ADCY3: variants seen among roughly 807,000 people sequenced by gnomAD.
ADCY3 encodes the protein adenylate cyclase type 3.
In ADCY3, 70 loss-of-function variants were observed where a neutral mutation model predicts 119.4. That is an observed-to-expected ratio of 0.59 (90% confidence interval 0.48 to 0.72). The LOEUF (loss-of-function observed/expected upper bound fraction) is 0.72, where lower values mean the gene tolerates loss of function less well. Ranked by LOEUF, ADCY3 falls within the 30% of genes least tolerant of loss-of-function variation. ADCY3 has a pLI of 0.00. For missense variants in ADCY3, 1,238 were observed against 1,541.6 expected, an observed-to-expected ratio of 0.80 and a Z score of 3.30; for synonymous variants, 672 against 621.4, an observed-to-expected ratio of 1.08 and a Z score of -1.21.
chr2:24,898,120 T>G lies in ADCY3; in HGVS notation c.675+20193A>C, dbSNP rs946538166. Among the ~76,000 whole-genome samples the G allele has an allele frequency of 6.6e-6, 1 of 152,130 alleles. No homozygotes were observed. The highest frequency in any genetic ancestry group is 1.5e-5 in the Non-Finnish European group (1 of 68,010). On this transcript the variant is annotated intron_variant, in intron 2 of 21. Transcript: ENST00000679454. The surrounding 1 kb of genome is among the most constrained non-coding windows in gnomAD (Gnocchi z 4.3). ...GTCAGAGGTTCTCCACTACCCCGTC[T>G]ATGTTCACCCCCAGACCTTTGTTCA...
intron 18 of ADCY3, among the ~76,000 whole-genome samples, 168 bp downstream of exon 18, chr2:24,823,041 C>T (rs1222703202): frequency 1.3e-5 from 2 of 152,172 alleles, no homozygotes; most frequent in Non-Finnish European, 2.9e-5. Flanking sequence ...ACCTCACCTC[C>T]CCTTCCCCAG....
chr2:24,873,274 C>A (rs1675255653), intron 2 of ADCY3, among the ~76,000 whole-genome samples: 2 of 152,188 alleles, frequency 1.3e-5, no homozygotes, highest in Admixed American at 1.3e-4. Context: ...ACAATGTTTA[C>A]CTTACACATG....
At chr2:24,845,868 TG>T (rs1671596295) in intron 3 of ADCY3, among the ~76,000 whole-genome samples, 1 of 152,200 alleles carries the variant, frequency 6.6e-6, no homozygotes, top group South Asian at 2.1e-4. Context: ...CCTAGGGACT[TG>T]GTGCCCTGTG....
chr2:24,884,108 AT>A (rs562797497), intron 2 of ADCY3, among the ~76,000 whole-genome samples: 47 of 147,476 alleles, frequency 3.2e-4, no homozygotes, highest in African/African-American at 8.2e-4. Flanking sequence ...GACATTCAGC[AT>A]TTTTTTTTTC....
chr2:24,823,186 T>C (rs1384904475), intron 18 of ADCY3, 23 bp downstream of exon 18: 32 of 1,606,704 alleles, frequency 2.0e-5, no homozygotes, highest in Non-Finnish European at 2.7e-5. Context: ...ATGGCCAGAG[T>C]GCAGGGTGGG....
intron 12 of ADCY3, among the ~76,000 whole-genome samples, chr2:24,831,245 C>T (rs1464778756): frequency 7.8e-6 from 1 of 128,398 alleles, no homozygotes; most frequent in Non-Finnish European, 1.7e-5. Context: ...AAAAAAAAAA[C>T]TCTGCTTGGT....
intron 2 of ADCY3, among the ~76,000 whole-genome samples, chr2:24,891,162 C>T (rs1409750477): frequency 2.6e-5 from 4 of 152,238 alleles, no homozygotes; most frequent in African/African-American, 9.6e-5. Flanking sequence ...AGCCACTGCG[C>T]CCGGCCTAGA....
At chr2:24,833,084 C>T (rs1669813614) in intron 11 of ADCY3, among the ~76,000 whole-genome samples, 1 of 152,246 alleles carries the variant, frequency 6.6e-6, no homozygotes, top group Non-Finnish European at 1.5e-5. Flanking sequence ...ACCACAGTGG[C>T]TTGTCTGGGC....
intron 2 of ADCY3, among the ~76,000 whole-genome samples, chr2:24,900,045 C>G (rs1283547007): frequency 6.6e-6 from 1 of 151,640 alleles, no homozygotes; most frequent in African/African-American, 2.4e-5. Flanking sequence ...TAGTATTTTC[C>G]AGGCTTTCCA....
chr2:24,914,340 T>C (rs1664169838), intron 2 of ADCY3, among the ~76,000 whole-genome samples: 1 of 152,180 alleles, frequency 6.6e-6, no homozygotes, highest in Non-Finnish European at 1.5e-5. Flanking sequence ...ACCAAAGTGA[T>C]GGGTGACAGT....
Position 24,820,790 on chromosome 2 carries a change from G to A in ADCY3, c.3186C>T (p.Asp1062=). Residue 1062 remains aspartate (D), a synonymous_variant, in exon 21 of 22, where the codon GAC becomes GAT. Coordinates refer to ENST00000679454, the MANE Select transcript of ADCY3 (RefSeq NM_004036.5). ...GVIGARKPHY[D]IWGNTVNVAS... ...CTACATTGACTGTATTGCCCCAGAT[G>A]TCGTAGTGTGGTTTCCGGGCTCCGA... 2 of 1,614,126 alleles carry A rather than the reference G, an allele frequency of 1.2e-6. No individual in the cohort carries two copies. Among genetic ancestry groups the A allele is most frequent in the Non-Finnish European group, 1.7e-6 (2 of 1,180,006 alleles).
chr2:24,823,070 C>T, intron 18 of ADCY3, 139 bp downstream of exon 18: 2 of 1,123,516 alleles, frequency 1.8e-6, no homozygotes, highest in South Asian at 1.7e-5. Context: ...TTCCAGGTGG[C>T]TGCAGAAGTC....
In ADCY3 at chr2:24,919,222, T is replaced by C. The variant is rs971930258; in HGVS notation, c.-197-38A>G. 7 of 540,132 alleles carry C rather than the reference T, an allele frequency of 1.3e-5. No individual in the cohort carries two copies. Among genetic ancestry groups the C allele is most frequent in the South Asian group, 1.1e-4 (5 of 45,574 alleles). The allele number at this position is 540,132 out of a possible 1,614,324, so 33.5% of individuals were successfully genotyped here. On this transcript the variant is annotated intron_variant, in intron 1 of 21. Coordinates refer to ENST00000679454, the MANE Select transcript of ADCY3 (RefSeq NM_004036.5). This position sits in a 1 kb window ranked among gnomAD's most constrained non-coding sequence, Gnocchi z 5.5. ...TTGCTGAGTAGAAGCACCTCTTCCC[T>C]CCTACCTTGCGGTTTCCCCATGACC...
intron 2 of ADCY3, among the ~76,000 whole-genome samples, chr2:24,910,499 A>G (rs561209676): frequency 2.0e-5 from 3 of 152,342 alleles, no homozygotes; most frequent in Non-Finnish European, 4.4e-5. Flanking sequence ...AAATGGACAT[A>G]TACTCAGTAA....
At chr2:24,871,559 C>T (rs910771728) in intron 3 of ADCY3, among the ~76,000 whole-genome samples, 1 of 152,220 alleles carries the variant, frequency 6.6e-6, no homozygotes, top group Non-Finnish European at 1.5e-5. Flanking sequence ...GACGGTGGGG[C>T]TCCTGCAAGC....
At chr2:24,826,891 G>A (rs766232528) in intron 15 of ADCY3, among the ~76,000 whole-genome samples, 2 of 152,180 alleles carry the variant, frequency 1.3e-5, no homozygotes, top group African/African-American at 4.8e-5. Flanking sequence ...CTCCCACCAG[G>A]AGTGTAAGAG....
At chr2:24,858,673 A>C (rs906993376) in intron 3 of ADCY3, among the ~76,000 whole-genome samples, 1 of 152,236 alleles carries the variant, frequency 6.6e-6, no homozygotes, top group Admixed American at 6.5e-5. Context: ...ACAATTCTAC[A>C]ACTCTACAGT....
intron 2 of ADCY3, among the ~76,000 whole-genome samples, chr2:24,914,096 G>T (rs1488565082): frequency 2.0e-5 from 3 of 152,174 alleles, no homozygotes; most frequent in Admixed American, 6.5e-5. Flanking sequence ...GGCAGTAAAG[G>T]GCAAGTAATT....
intron 2 of ADCY3, among the ~76,000 whole-genome samples, chr2:24,900,338 C>A (rs1434251071): frequency 1.6e-5 from 2 of 125,798 alleles, no homozygotes; most frequent in Admixed American, 1.6e-4. Context: ...GAGCCAGACT[C>A]TGTCTCAAAA....
Sources: gnomAD v4.1 joint callset for allele counts (sites outside exome capture counted in the v4.1 genomes callset) on GRCh38, gnomAD v4.1.1 for gene constraint, Gnocchi (gnomAD v3.1) non-coding constraint, MANE v1.5 for transcripts, NCBI Gene and HGNC (gene_info 2026-07-23, HGNC 2026-07-21) for gene names.